The following SERPINB11 variants were observed in gnomAD, a reference collection of about 807,000 sequenced individuals.
SERPINB11 encodes the protein serpin B11.
In SERPINB11, 32 loss-of-function variants were observed where a neutral mutation model predicts 36.7. The ratio of observed to expected loss-of-function variants is 0.87; its 90% CI spans 0.66 to 1.17. SERPINB11 has a LOEUF of 1.17. Among genes scored for constraint, SERPINB11 ranks in the 50% most tolerant of loss-of-function variants. The pLI is 0.00. For synonymous variants in SERPINB11, 174 were observed against 168.1 expected (o/e 1.04, Z -0.27); for missense variants, 528 against 458.4 (o/e 1.15, Z -1.39).
In SERPINB11 at chr18:63,710,291, T is replaced by C; in HGVS notation, c.98T>C (p.Leu33Pro). ...NIGDNIFFSS[L>P]SLLYALSMVL... is the part of the protein sequence containing the mutation. ...GGAGATAACATCTTCTTTTCTTCGC[T>C]GAGTCTGCTTTATGCTCTAAGCATG... Residue 33 changes from leucine to proline, a missense_variant, in exon 2 of 8, where the codon CTG (leucine) becomes CCG (proline). Transcript: ENST00000544088. 6.2e-7 allele frequency: 1 copy of C among 1,613,850 alleles called. No homozygotes were observed. The highest frequency in any genetic ancestry group is 8.5e-7 in the Non-Finnish European group (1 of 1,179,792).
Position 63,715,251 on chromosome 18 carries a change from T to C in SERPINB11, c.358-784T>C, listed in dbSNP as rs187685770. Among the ~76,000 whole-genome samples the C allele has an allele frequency of 1.6e-3, 248 of 152,248 alleles. 2 individuals carry two copies. The highest frequency in any genetic ancestry group is 4.9e-4 in the Non-Finnish European group (33 of 68,016). On this transcript the variant is annotated intron_variant, in intron 4 of 7. Transcript: ENST00000544088. Reference sequence around the variant, plus strand: ...CAGGAATTGCATCATGGTAAACTCATTTGGGTCCATGTAGATATCACTGTT... The same window carrying C: ...CAGGAATTGCATCATGGTAAACTCACTTGGGTCCATGTAGATATCACTGTT...
chr18:63,704,436 G>T (rs1326957808), intron 1 of SERPINB11, among the ~76,000 whole-genome samples: 1 of 152,204 alleles, frequency 6.6e-6, no homozygotes, highest in Middle Eastern at 3.2e-3. Context: ...GAAAATGAAT[G>T]AGGAAAGCCC....
intron 4 of SERPINB11, among the ~76,000 whole-genome samples, chr18:63,713,000 A>G (rs1215481960): frequency 1.3e-5 from 2 of 152,228 alleles, no homozygotes; most frequent in Non-Finnish European, 2.9e-5. Flanking sequence ...AATTTTTCAT[A>G]TCTTTTTCAG....
chr18:63,712,839 A>G (rs1364856116), intron 4 of SERPINB11, 146 bp downstream of exon 4: 1 of 937,794 alleles, frequency 1.1e-6, no homozygotes, highest in Non-Finnish European at 1.6e-6. Flanking sequence ...AGTGAAATGG[A>G]TTTATTGAAA....
intron 4 of SERPINB11, among the ~76,000 whole-genome samples, chr18:63,713,343 A>C (rs1021211238): frequency 2.6e-5 from 4 of 152,206 alleles, no homozygotes; most frequent in Non-Finnish European, 5.9e-5. Flanking sequence ...TGTGAAGCAG[A>C]TTCTGAAAAG....
chr18:63,705,632 G>A (rs189793228), intron 1 of SERPINB11: 1 of 152,314 alleles, frequency 6.6e-6, no homozygotes, highest in African/African-American at 2.4e-5. Context: ...CAAATAAACA[G>A]ACTAATAAAA....
chr18:63,712,748 T>C lies in SERPINB11; in HGVS notation c.357+55T>C, dbSNP rs1914562473. The C allele has an allele frequency of 3.8e-6, 6 of 1,573,470 alleles. No individual in the cohort carries two copies. In the Admixed American group the frequency reaches 5.2e-5, roughly 14 times the overall value. On this transcript the variant is annotated intron_variant, in intron 4 of 7. Coordinates refer to ENST00000544088, the MANE Select transcript of SERPINB11 (RefSeq NM_001370475.1). ...CTTTCTTGGCGTCCTCTGAATTTCA[T>C]ACCCCAAAATTGATGAAGAGTGAGA...
At chr18:63,712,499 T>C in intron 3 of SERPINB11, 66 bp from the exon 4 acceptor site, 3 of 1,565,342 alleles carry the variant, frequency 1.9e-6, no homozygotes, top group South Asian at 1.1e-5. Context: ...CTCTAGATAG[T>C]TATCATTCTC....
At chr18:63,716,468 G>A (rs906141652) in intron 5 of SERPINB11, among the ~76,000 whole-genome samples, 1 of 152,004 alleles carries the variant, frequency 6.6e-6, no homozygotes, top group South Asian at 2.1e-4. Flanking sequence ...ATGTTTCTTA[G>A]AAACATTTGG....
chr18:63,708,439 T>C (rs1045717590), intron 1 of SERPINB11, among the ~76,000 whole-genome samples: 2 of 152,152 alleles, frequency 1.3e-5, no homozygotes, highest in Admixed American at 6.5e-5. Context: ...ATGGGGAATA[T>C]TTCCAAAGAT....
intron 1 of SERPINB11, among the ~76,000 whole-genome samples, chr18:63,703,730 C>G (rs1449301504): frequency 6.6e-6 from 1 of 152,158 alleles, no homozygotes; most frequent in Non-Finnish European, 1.5e-5. Flanking sequence ...GTGTCTTAGC[C>G]ACCCTTGGAG....
chr18:63,712,534 A>G, intron 3 of SERPINB11, 31 bp from the exon 4 acceptor site: 1 of 1,612,626 alleles, frequency 6.2e-7, no homozygotes, highest in Non-Finnish European at 8.5e-7. Context: ...AAGCAATTTA[A>G]TACATCATTC....
Position 63,719,998 on chromosome 18 carries a change from T to C in SERPINB11, c.476-15T>C. ...AGTTCAAATCCAAATATAATTATCT[T>C]ATTTTTTATACAAGGAAAAGTCGCA... is the stretch of plus-strand genomic sequence containing the variant. On this transcript the variant is annotated splice_polypyrimidine_tract_variant and intron_variant, in intron 5 of 7. Coordinates refer to ENST00000544088, the MANE Select transcript of SERPINB11 (RefSeq NM_001370475.1). 6.3e-7 allele frequency: 1 copy of C among 1,582,184 alleles called. No homozygotes were observed.
At chr18:63,720,522 A>G (rs1295128251) in intron 6 of SERPINB11, 16 of 352,270 alleles carry the variant, frequency 4.5e-5, no homozygotes, top group Non-Finnish European at 2.5e-5. Flanking sequence ...TAAAAAGAAA[A>G]TGATTTAATG....
At chr18:63,708,798 G>A (rs1914439289) in intron 1 of SERPINB11, among the ~76,000 whole-genome samples, 1 of 152,096 alleles carries the variant, frequency 6.6e-6, no homozygotes, top group African/African-American at 2.4e-5. Flanking sequence ...GATCACCCAG[G>A]GTATGACTGT....
At chr18:63,706,728 T>C (rs1167524157) in intron 1 of SERPINB11, among the ~76,000 whole-genome samples, 6 of 152,196 alleles carry the variant, frequency 3.9e-5, no homozygotes, top group Non-Finnish European at 8.8e-5. Context: ...CTAAAATGGC[T>C]TAAACAATAA....
chr18:63,707,382 G>A (rs1342357239), intron 1 of SERPINB11, among the ~76,000 whole-genome samples: 5 of 152,206 alleles, frequency 3.3e-5, no homozygotes, highest in Non-Finnish European at 5.9e-5. Context: ...TATGTGGGGT[G>A]TGATCTCTGA....
Position 63,712,685 on chromosome 18 carries a change from T to C in SERPINB11, c.349T>C (p.Phe117Leu). 6.2e-7 allele frequency: 1 copy of C among 1,613,574 alleles called. No homozygotes were observed. The highest frequency in any genetic ancestry group is 8.5e-7 in the Non-Finnish European group (1 of 1,179,616). Reference sequence around the variant, plus strand: ...GCTCTACGGGACAAAGACGATGGCATTTCATCAGGTAAGTCCATTTGGAAG... The same window carrying C: ...GCTCTACGGGACAAAGACGATGGCACTTCATCAGGTAAGTCCATTTGGAAG... ...NRLYGTKTMA[F>L]HQQYLSCSEK... The change falls in exon 4 of 8, where the codon TTT becomes CTT. Residue 117 changes from phenylalanine to leucine, a missense_variant. By Grantham distance (22) the Phe-to-Leu change is conservative. Coordinates refer to ENST00000544088, the MANE Select transcript of SERPINB11 (RefSeq NM_001370475.1).
At chr18:63,712,429 A>G in intron 3 of SERPINB11, 136 bp from the exon 4 acceptor site, 1 of 826,608 alleles carries the variant, frequency 1.2e-6, no homozygotes, top group South Asian at 1.9e-5. Flanking sequence ...AAGGAAGAAA[A>G]TGCTTTAAAC....
Sources: gnomAD v4.1 joint callset for allele counts (sites outside exome capture counted in the v4.1 genomes callset) on GRCh38, gnomAD v4.1.1 for gene constraint, MANE v1.5 for transcripts, NCBI Gene and HGNC (gene_info 2026-07-23, HGNC 2026-07-21) for gene names.